PFKM: variants seen among roughly 807,000 people sequenced by gnomAD.
PFKM encodes the protein ATP-dependent 6-phosphofructokinase, muscle type.
A neutral mutation model predicts 95.5 loss-of-function variants in PFKM; 58 were observed. The ratio of observed to expected loss-of-function variants is 0.61; its 90% confidence interval spans 0.49 to 0.76. The LOEUF (loss-of-function observed/expected upper bound fraction) is 0.76. PFKM is among the 30% of genes least tolerant of loss of function. PFKM has a pLI of 0.00. For synonymous variants in PFKM, 336 were observed against 357.2 expected, an observed-to-expected ratio of 0.94 and a Z score of 0.67; for missense variants, 678 against 1,005.4, an observed-to-expected ratio of 0.67 and a Z score of 4.40.
intron 2 of PFKM, among the ~76,000 whole-genome samples, chr12:48,129,179 GTT>G (rs1374640257): frequency 2.8e-5 from 3 of 106,988 alleles, no homozygotes; most frequent in Non-Finnish European, 6.1e-5. Context: ...TTAGTCCTAA[GTT>G]TTTGTTCTGT....
chr12:48,125,621 C>CA (rs562841214), intron 2 of PFKM: 53,923 of 102,762 alleles, frequency 0.52, 14,791 homozygotes, highest in African/African-American at 0.77. Context: ...AACTCTGTCT[C>CA]AAAAAAAAAA....
intron 3 of PFKM, among the ~76,000 whole-genome samples, chr12:48,114,276 A>G (rs1009984452): frequency 2.6e-5 from 4 of 152,180 alleles, no homozygotes; most frequent in African/African-American, 4.8e-5. Context: ...GAATTCCTGT[A>G]TATATTTAGT....
chr12:48,117,275 A>C (rs192741924), upstream of PFKM, among the ~76,000 whole-genome samples: 33 of 152,366 alleles, frequency 2.2e-4, no homozygotes, highest in African/African-American at 7.9e-4. Context: ...GGCAATTATG[A>C]ATAAAGCTTT....
intron 14 of PFKM, 100 bp from the exon 15 acceptor site, chr12:48,141,211 G>T: frequency 8.9e-7 from 1 of 1,123,188 alleles, no homozygotes; most frequent in African/African-American, 1.5e-5. Flanking sequence ...CAACCAAGGG[G>T]GATCCAGGGG....
At chr12:48,132,376 G>A (rs1235998881) in intron 4 of PFKM, among the ~76,000 whole-genome samples, 1 of 152,202 alleles carries the variant, frequency 6.6e-6, no homozygotes, top group African/African-American at 2.4e-5. Context: ...AAGGAGCTAA[G>A]GGGAAAGGAT....
Position 48,145,061 on chromosome 12 carries a change from T to C in PFKM, c.2023T>C (p.Phe675Leu). ...GGSPTPFDRN[F>L]ATKMGAKAMN... The stretch of plus-strand genomic sequence containing the variant: ...GAGCCCAACCCCATTTGATAGGAAT[T>C]TTGCCACTAAGATGGGCGCCAAGGC... The change falls in exon 21 of 23, where the codon TTT (phenylalanine) becomes CTT (leucine). Residue 675 changes from phenylalanine (F) to leucine (L), a missense_variant. Coordinates refer to ENST00000359794, the MANE Select transcript of PFKM (RefSeq NM_000289.6). The surrounding 1 kb of genome is among the most constrained non-coding windows in gnomAD (Gnocchi z 4.3). The C allele has an allele frequency of 1.2e-6, 2 of 1,614,126 alleles. No individual in the cohort carries two copies. Among genetic ancestry groups the C allele is most frequent in the Non-Finnish European group, 1.7e-6 (2 of 1,179,962 alleles).
At position 48,140,719 on chromosome 12, in the gene PFKM, T is replaced by C. The variant is rs371317960; in HGVS notation, c.1192-3T>C. 14 of 1,613,898 alleles carry C rather than the reference T, an allele frequency of 8.7e-6. No individual in the cohort carries two copies. Among genetic ancestry groups the C allele is most frequent in the African/African-American group, 2.7e-5 (2 of 74,862 alleles). On this transcript the variant is annotated splice_region_variant and splice_polypyrimidine_tract_variant and intron_variant, in intron 13 of 22. Transcript: ENST00000359794. ...TCATTTTTCCCTGCTTCCTCCTGTATAGAGTGGTTCGCACACAGTGGCTGT... is the reference window on the plus strand; with the variant it reads ...TCATTTTTCCCTGCTTCCTCCTGTACAGAGTGGTTCGCACACAGTGGCTGT...
At chr12:48,105,570 T>C (rs1946471740), upstream of PFKM, 15 of 489,534 alleles carry the variant, frequency 3.1e-5, no homozygotes, top group South Asian at 2.1e-4. Flanking sequence ...GACGCAGAAG[T>C]AGTCAAGAAA....
chr12:48,143,132 G>A (rs189193396), intron 18 of PFKM, among the ~76,000 whole-genome samples, 186 bp downstream of exon 18: 55 of 152,376 alleles, frequency 3.6e-4, no homozygotes, highest in Non-Finnish European at 6.8e-4. Context: ...CGCAGCTACT[G>A]TTGTTGGAAT....
intron 3 of PFKM, among the ~76,000 whole-genome samples, chr12:48,113,608 G>A (rs151278517): frequency 0.019 from 2,866 of 152,340 alleles, 102 homozygotes; most frequent in African/African-American, 0.065. Context: ...AGATCCTGGG[G>A]GAGGCGGTCC....
At position 48,140,815 on chromosome 12, in the gene PFKM, C is replaced by T. The variant is rs777278939; in HGVS notation, c.1285C>T (p.Gln429Ter). The change falls in exon 14 of 23, where the codon CAG becomes TAG. Residue 429 changes from glutamine to a stop codon, truncating the protein, a stop_gained. Coordinates refer to ENST00000359794, the MANE Select transcript of PFKM (RefSeq NM_000289.6). LOFTEE classifies it high-confidence loss of function. The stretch of plus-strand genomic sequence containing the variant: ...CTCCACTGTGAGGATTGGCCTTATC[C>T]AGGGCAACCGAGTGCTCGTTGTCCA... ...VRSTVRIGLI[Q>*]GNRVLVVHDG... 2 of 1,614,218 alleles carry T rather than the reference C, an allele frequency of 1.2e-6. No homozygotes were observed. Among genetic ancestry groups the T allele is most frequent in the East Asian group, 2.2e-5 (1 of 44,878 alleles).
upstream of PFKM, chr12:48,105,467 G>A: frequency 1.9e-6 from 1 of 519,090 alleles, no homozygotes; most frequent in South Asian, 1.4e-5. Context: ...CTGAGCAGGA[G>A]GGTCCAGACG....
intron 2 of PFKM, among the ~76,000 whole-genome samples, chr12:48,129,735 C>CT (rs1350436579): frequency 2.6e-5 from 4 of 152,140 alleles, no homozygotes; most frequent in Non-Finnish European, 2.9e-5. Flanking sequence ...GGTTACTGAA[C>CT]CATATAGAGT....
At chr12:48,108,935 A>C (rs1198390508) in intron 3 of PFKM, among the ~76,000 whole-genome samples, 4 of 152,246 alleles carry the variant, frequency 2.6e-5, no homozygotes, top group African/African-American at 7.2e-5. Context: ...ACTCAGGACT[A>C]AAAGGTTTTC....
chr12:48,132,669 C>A, intron 4 of PFKM, 199 bp from the exon 5 acceptor site: 1 of 615,208 alleles, frequency 1.6e-6, no homozygotes. Flanking sequence ...AGATGTGTAG[C>A]AAAATATGGG....
intron 2 of PFKM, chr12:48,125,419 C>G: frequency 2.4e-6 from 1 of 416,054 alleles, no homozygotes; most frequent in Non-Finnish European, 4.7e-6. Flanking sequence ...GTTGGGAGTT[C>G]GAGACCAGCC....
At chr12:48,124,550 C>A (rs11168421) in intron 2 of PFKM, among the ~76,000 whole-genome samples, 44,454 of 152,072 alleles carry the variant, frequency 0.29, 6,635 homozygotes, top group Non-Finnish European at 0.31. Context: ...ACTTGGGTCT[C>A]AGAGCAGCAG....
Position 48,145,768 on chromosome 12 carries a change from T to G in PFKM, c.*60T>G. 1 of 1,536,456 alleles carries G rather than the reference T, an allele frequency of 6.5e-7. No homozygotes were observed. The highest frequency in any genetic ancestry group is 9.0e-7 in the Non-Finnish European group (1 of 1,109,530). ...CATGGTCAGCTCACACCCTAATAAG[T>G]CCACATCTTCTCAGTGTTTTAGCTG... is the stretch of plus-strand genomic sequence containing the variant. On this transcript the variant is annotated 3_prime_UTR_variant, in exon 23 of 23. Coordinates refer to ENST00000359794, the MANE Select transcript of PFKM (RefSeq NM_000289.6). The surrounding 1 kb of genome is among the most constrained non-coding windows in gnomAD (Gnocchi z 4.3).
At position 48,143,738 on chromosome 12, in the gene PFKM, C is replaced by T. The variant is rs1950782846; in HGVS notation, c.1819-15C>T. The T allele has an allele frequency of 4.4e-6, 7 of 1,603,364 alleles. No homozygotes were observed. Among genetic ancestry groups the T allele is most frequent in the Non-Finnish European group, 4.3e-6 (5 of 1,170,168 alleles). On this transcript the variant is annotated splice_polypyrimidine_tract_variant and intron_variant, in intron 18 of 22. Transcript: ENST00000359794. Reference sequence around the variant, plus strand: ...CATTCCCAGTTAGGCTTAGGATTTACTCTTTCATTTTCAGGCAAATGTTGA... The same window carrying T: ...CATTCCCAGTTAGGCTTAGGATTTATTCTTTCATTTTCAGGCAAATGTTGA...
Sources: allele counts gnomAD v4.1 joint callset (sites outside exome capture counted in the v4.1 genomes callset), GRCh38; gene constraint gnomAD v4.1.1; non-coding constraint Gnocchi (gnomAD v3.1); transcripts MANE v1.5; gene names NCBI Gene and HGNC (gene_info 2026-07-23, HGNC 2026-07-21).